IMPA2: variants seen among roughly 807,000 people sequenced by gnomAD.
IMPA2 encodes the protein inositol monophosphatase 2.
A neutral mutation model predicts 35.1 loss-of-function variants in IMPA2; 32 were observed. The observed-to-expected ratio is 0.91, with a 90% confidence interval of 0.69 to 1.23. IMPA2 has a LOEUF of 1.23. IMPA2 is among the 50% of genes most tolerant of loss of function. The probability of loss-of-function intolerance (pLI) is 0.00; values close to 1 mark genes in which losing one functional copy is unlikely to be tolerated. For missense variants in IMPA2, 334 were observed against 387.6 expected (o/e 0.86, Z 1.16); for synonymous variants, 135 against 160.6 (o/e 0.84, Z 1.20).
intron 5 of IMPA2, among the ~76,000 whole-genome samples, chr18:12,025,769 G>A (rs1194056550): frequency 1.4e-4 from 22 of 152,090 alleles, no homozygotes; most frequent in African/African-American, 5.1e-4. Context: ...TAATAGAGAC[G>A]GGGTTTCACC....
At chr18:12,008,015 G>A (rs1176120824) in intron 2 of IMPA2, among the ~76,000 whole-genome samples, 3 of 151,548 alleles carry the variant, frequency 2.0e-5, no homozygotes, top group South Asian at 4.2e-4. Flanking sequence ...AGGCTGGAGT[G>A]CAGCGGTGTG....
intron 1 of IMPA2, among the ~76,000 whole-genome samples, chr18:11,988,931 C>T (rs1268860880): frequency 2.0e-5 from 3 of 152,176 alleles, no homozygotes; most frequent in Non-Finnish European, 2.9e-5. Flanking sequence ...AAGTGATTCT[C>T]CCACCTCAGC....
At chr18:12,001,011 C>T (rs1337705266) in intron 2 of IMPA2, among the ~76,000 whole-genome samples, 1 of 151,042 alleles carries the variant, frequency 6.6e-6, no homozygotes, top group Non-Finnish European at 1.5e-5. Flanking sequence ...GCGGGCGGAT[C>T]ACGAGTGAGG....
Position 12,028,077 on chromosome 18 carries a change from C to T in IMPA2, c.525C>T (p.Gly175=), listed in dbSNP as rs1389792580. ...AGGCCTTGGTTCTGACAGAAATTGG[C>T]CCCAAACGTGACCCTGCGACCCTGA... The part of the protein sequence containing the change: ...LSKALVLTEI[G]PKRDPATLKL... Residue 175 remains glycine (G), a synonymous_variant, in exon 6 of 8, where the codon GGC becomes GGT. Coordinates refer to ENST00000269159, the MANE Select transcript of IMPA2 (RefSeq NM_014214.3). The T allele has an allele frequency of 1.2e-6, 2 of 1,613,764 alleles. No individual in the cohort carries two copies. The highest frequency in any genetic ancestry group is 1.7e-6 in the Non-Finnish European group (2 of 1,179,836).
intron 7 of IMPA2, 78 bp downstream of exon 7, chr18:12,029,071 C>T: frequency 7.7e-7 from 1 of 1,290,784 alleles, no homozygotes; most frequent in South Asian, 1.5e-5. Context: ...TCCTGAAGTC[C>T]CCACCAACTG....
intron 2 of IMPA2, among the ~76,000 whole-genome samples, chr18:12,007,834 A>G (rs1398349551): frequency 1.3e-5 from 2 of 149,832 alleles, no homozygotes; most frequent in Admixed American, 6.7e-5. Context: ...CTGGAGTGCA[A>G]TGGCATGATC....
rs1906804508 is a variant in IMPA2 at position 11,991,231 on chromosome 18, C to A, written c.97-7823C>A. On this transcript the variant is annotated intron_variant, in intron 1 of 7. Transcript: ENST00000269159. This position sits in a 1 kb window ranked among gnomAD's most constrained non-coding sequence, Gnocchi z 4.1. ...CAGCTGGGATGTGGGTGACGGGTGGCTGCTGGCATTGGTATGGAAGGTGCC... is the reference window on the plus strand; with the variant it reads ...CAGCTGGGATGTGGGTGACGGGTGGATGCTGGCATTGGTATGGAAGGTGCC... 6.6e-6 allele frequency among the ~76,000 whole-genome samples: 1 copy of A among 152,166 alleles called. No individual in the cohort carries two copies.
At chr18:12,013,697 G>A (rs1907495612) in intron 4 of IMPA2, among the ~76,000 whole-genome samples, 1 of 152,174 alleles carries the variant, frequency 6.6e-6, no homozygotes, top group South Asian at 2.1e-4. Flanking sequence ...CATCCTGGGA[G>A]GCTGTGGTCT....
chr18:12,014,442 C>T, intron 5 of IMPA2, 69 bp downstream of exon 5: 1 of 956,850 alleles, frequency 1.0e-6, no homozygotes, highest in Non-Finnish European at 1.5e-6. Context: ...GCCAAAGCCA[C>T]CATGATGTGG....
chr18:12,017,639 A>G, intron 5 of IMPA2: 1 of 415,162 alleles, frequency 2.4e-6, no homozygotes. Context: ...CCCAGGCTGG[A>G]GTGCGGTGGT....
At chr18:12,003,581 G>T (rs1374532898) in intron 2 of IMPA2, among the ~76,000 whole-genome samples, 1 of 150,964 alleles carries the variant, frequency 6.6e-6, no homozygotes, top group African/African-American at 2.4e-5. Context: ...AACCTGGGAA[G>T]TGGAGGTTGC....
intron 1 of IMPA2, among the ~76,000 whole-genome samples, chr18:11,987,774 T>A (rs1906706139): frequency 6.6e-6 from 1 of 152,184 alleles, no homozygotes; most frequent in African/African-American, 2.4e-5. Context: ...AATCGCTGTG[T>A]CATTGGGAAT....
At chr18:11,984,390 A>G (rs1193663639) in intron 1 of IMPA2, among the ~76,000 whole-genome samples, 1 of 152,246 alleles carries the variant, frequency 6.6e-6, no homozygotes, top group Non-Finnish European at 1.5e-5. Flanking sequence ...CCCCAAGTAC[A>G]GATGACAGTA....
At chr18:12,009,810 G>A (rs1907381948) in intron 2 of IMPA2, 73 bp from the exon 3 acceptor site, 1 of 1,118,960 alleles carries the variant, frequency 8.9e-7, no homozygotes, top group Non-Finnish European at 1.4e-6. Context: ...TCTTTAATGG[G>A]ACTGGAAGCA....
chr18:11,999,214 C>A, intron 2 of IMPA2, 27 bp downstream of exon 2: 1 of 1,604,662 alleles, frequency 6.2e-7, no homozygotes, highest in Non-Finnish European at 8.5e-7. Context: ...GGGAAACACC[C>A]CCAGTAACCC....
intron 2 of IMPA2, among the ~76,000 whole-genome samples, chr18:12,007,157 AGAT>A (rs1324345506): frequency 2.0e-5 from 3 of 152,092 alleles, no homozygotes; most frequent in African/African-American, 7.2e-5. Flanking sequence ...GAATACCATG[AGAT>A]GCCTGCTGTT....
chr18:12,012,457 A>T, intron 4 of IMPA2: 1 of 550,946 alleles, frequency 1.8e-6, no homozygotes, highest in Non-Finnish European at 3.2e-6. Context: ...GCCTCGTGTC[A>T]ACCGTGGTCT....
At chr18:12,030,233 G>A (rs897952306) in intron 7 of IMPA2, 110 bp from the exon 8 acceptor site, 4 of 766,214 alleles carry the variant, frequency 5.2e-6, no homozygotes, top group Middle Eastern at 2.3e-4. Context: ...GCTTGGGCAC[G>A]GTTCCATGTG....
At position 12,014,349 on chromosome 18, in the gene IMPA2, C is replaced by A; in HGVS notation, c.466C>A (p.Arg156=). The change falls in exon 5 of 8, where the codon CGG becomes AGG. Residue 156 remains arginine, a synonymous_variant. Coordinates refer to ENST00000269159, the MANE Select transcript of IMPA2 (RefSeq NM_014214.3). ...TCGGGGCGCCTTCTGCAATGGCCAG[C>A]GGCTCCGGGTCTCCGGGGAGACAGG... is the stretch of plus-strand genomic sequence containing the variant. ...RGRGAFCNGQ[R]LRVSGETDLS... is the part of the protein sequence containing the mutation. The A allele has an allele frequency of 6.3e-7, 1 of 1,599,180 alleles. No individual in the cohort carries two copies. The highest frequency in any genetic ancestry group is 8.5e-7 in the Non-Finnish European group (1 of 1,172,462).
Sources: allele counts gnomAD v4.1 joint callset (sites outside exome capture counted in the v4.1 genomes callset), GRCh38; gene constraint gnomAD v4.1.1; non-coding constraint Gnocchi (gnomAD v3.1); transcripts MANE v1.5; gene names NCBI Gene and HGNC (gene_info 2026-07-23, HGNC 2026-07-21).